Variants in CDH13 observed in about 807,000 individuals in gnomAD.
CDH13 encodes cadherin 13.
CDH13 carries 24 observed loss-of-function variants against 63.8 expected under a neutral mutation model. That is an observed-to-expected ratio of 0.38 (90% CI 0.27 to 0.53). The LOEUF is 0.53. Ranked by LOEUF, CDH13 falls within the 20% of genes least tolerant of loss-of-function variation. The pLI, the probability that CDH13 is intolerant of heterozygous loss-of-function variation, is 0.85. For missense variants in CDH13, 1,049 were observed against 903.1 expected (o/e 1.16, Z -2.07); for synonymous variants, 503 against 355.3 (o/e 1.42, Z -4.67).
intron 1 of CDH13, among the ~76,000 whole-genome samples, chr16:82,655,593 G>A (rs1911205871): frequency 6.6e-6 from 1 of 152,178 alleles, no homozygotes; most frequent in South Asian, 2.1e-4. Flanking sequence ...CACTGGTGGG[G>A]TTGGGGGAGG....
At chr16:82,716,922 C>T (rs1036750549) in intron 1 of CDH13, among the ~76,000 whole-genome samples, 7 of 151,884 alleles carry the variant, frequency 4.6e-5, no homozygotes, top group African/African-American at 1.7e-4. Flanking sequence ...CTTCAAGTCC[C>T]GGTGTAGAGT....
chr16:83,165,340 A>T (rs561520572), intron 4 of CDH13, among the ~76,000 whole-genome samples: 8 of 152,028 alleles, frequency 5.3e-5, no homozygotes, highest in African/African-American at 1.4e-4. Context: ...ACAGTAGATG[A>T]TAGATGATGG....
chr16:82,643,626 G>C (rs1228410923), intron 1 of CDH13, among the ~76,000 whole-genome samples: 1 of 152,210 alleles, frequency 6.6e-6, no homozygotes, highest in South Asian at 2.1e-4. Context: ...TTGCTGATTT[G>C]TAAAGTGAAT....
At chr16:83,775,999 A>G (rs1214539235) in intron 11 of CDH13, among the ~76,000 whole-genome samples, 3 of 151,990 alleles carry the variant, frequency 2.0e-5, no homozygotes, top group Admixed American at 6.5e-5. Context: ...TGAATTTTGG[A>G]TGTGATTTTT....
At chr16:83,667,820 G>A (rs996156491) in intron 8 of CDH13, among the ~76,000 whole-genome samples, 3 of 151,876 alleles carry the variant, frequency 2.0e-5, no homozygotes, top group African/African-American at 7.3e-5. Flanking sequence ...ACCACACCTG[G>A]CTAATTTTTT....
At chr16:83,705,538 C>T (rs955959130) in intron 10 of CDH13, among the ~76,000 whole-genome samples, 31 of 152,084 alleles carry the variant, frequency 2.0e-4, no homozygotes, top group Non-Finnish European at 2.1e-4. Context: ...AGGAGAATGG[C>T]GTGAACCCGG....
intron 2 of CDH13, among the ~76,000 whole-genome samples, chr16:82,962,832 CAAACTT>C (rs534269935): frequency 1.8e-3 from 269 of 152,202 alleles, no homozygotes; most frequent in African/African-American, 6.3e-3. Flanking sequence ...GAAATAGAAA[CAAACTT>C]AAACTTTTAA....
At chr16:83,783,944 ACT>A (rs1915705761) in intron 13 of CDH13, among the ~76,000 whole-genome samples, 3 of 152,232 alleles carry the variant, frequency 2.0e-5, no homozygotes, top group African/African-American at 4.8e-5. Flanking sequence ...CATAATTTAC[ACT>A]GTTTTTTCAC....
intron 7 of CDH13, among the ~76,000 whole-genome samples, chr16:83,585,934 T>G (rs545092383): frequency 6.6e-6 from 1 of 152,182 alleles, no homozygotes; most frequent in East Asian, 1.9e-4. Context: ...TGGGTTTCTA[T>G]CCCAGTGCCA....
intron 7 of CDH13, among the ~76,000 whole-genome samples, chr16:83,573,830 T>C (rs563562104): frequency 6.6e-6 from 1 of 152,326 alleles, no homozygotes; most frequent in South Asian, 2.1e-4. Context: ...TTGGTAACTA[T>C]TGAACACCTG....
intron 3 of CDH13, among the ~76,000 whole-genome samples, chr16:83,121,669 A>G (rs2035581978): frequency 6.6e-6 from 1 of 152,138 alleles, no homozygotes; most frequent in African/African-American, 2.4e-5. Context: ...GATGTTTTCC[A>G]TTTTTGCCCC....
intron 6 of CDH13, among the ~76,000 whole-genome samples, chr16:83,385,168 G>A (rs1185655917): frequency 6.6e-6 from 1 of 152,206 alleles, no homozygotes; most frequent in African/African-American, 2.4e-5. Context: ...AGGGACCAAA[G>A]TATAAAATTC....
intron 6 of CDH13, among the ~76,000 whole-genome samples, chr16:83,427,771 C>T (rs552626479): frequency 6.6e-6 from 1 of 152,324 alleles, no homozygotes; most frequent in African/African-American, 2.4e-5. Context: ...TCTTTCCCAG[C>T]ACATCAAGAA....
Position 82,972,043 on chromosome 16 carries a change from T to C in CDH13, c.158-59967T>C, listed in dbSNP as rs371570147. Reference sequence around the variant, plus strand: ...TGTATTTCACAGCGACTTGCACAGATGTGCCAGATATGTACAGATGGATTT... The same window carrying C: ...TGTATTTCACAGCGACTTGCACAGACGTGCCAGATATGTACAGATGGATTT... On this transcript the variant is annotated intron_variant, in intron 2 of 13. Transcript: ENST00000567109. 9.6e-4 allele frequency among the ~76,000 whole-genome samples: 147 copies of C among 152,338 alleles called. 5 individuals carry two copies. The South Asian group carries it at 0.029, about 30-fold the overall frequency.
chr16:83,411,368 A>G (rs1567654181), intron 6 of CDH13, among the ~76,000 whole-genome samples: 1 of 152,092 alleles, frequency 6.6e-6, no homozygotes, highest in Non-Finnish European at 1.5e-5. Flanking sequence ...ATCATCCACA[A>G]GCATCCAATG....
intron 8 of CDH13, among the ~76,000 whole-genome samples, chr16:83,629,197 T>C (rs957612576): frequency 6.6e-6 from 1 of 152,246 alleles, no homozygotes; most frequent in African/African-American, 2.4e-5. Flanking sequence ...GTTAAGCATA[T>C]GTTTCATACC....
chr16:83,443,397 G>C (rs2072540933), intron 6 of CDH13, among the ~76,000 whole-genome samples: 2 of 152,214 alleles, frequency 1.3e-5, no homozygotes, highest in African/African-American at 4.8e-5. Flanking sequence ...CACATTCTCA[G>C]TGCGTGTTGA....
chr16:83,742,839 C>G (rs1912194141), intron 10 of CDH13, among the ~76,000 whole-genome samples: 1 of 152,206 alleles, frequency 6.6e-6, no homozygotes, highest in South Asian at 2.1e-4. Flanking sequence ...GTAGGAGCAG[C>G]AAGCTGTCCT....
chr16:82,724,544 T>C (rs1012181055), intron 1 of CDH13, among the ~76,000 whole-genome samples: 16 of 152,208 alleles, frequency 1.1e-4, no homozygotes, highest in African/African-American at 3.4e-4. Flanking sequence ...TGTCCTTCAT[T>C]CTACATTTAT....
Sources: allele counts gnomAD v4.1 joint callset (sites outside exome capture counted in the v4.1 genomes callset), GRCh38; gene constraint gnomAD v4.1.1; transcripts MANE v1.5; gene names NCBI Gene and HGNC (gene_info 2026-07-23, HGNC 2026-07-21).